Variants in FTCD observed in about 807,000 individuals in gnomAD.
FTCD encodes the protein formimidoyltransferase cyclodeaminase.
Under a neutral mutation model 62.9 loss-of-function variants are expected in FTCD, and 76 were observed. That is an observed-to-expected ratio of 1.21 (90% CI 1.00 to 1.46). FTCD has a LOEUF of 1.46. FTCD is among the 40% of genes most tolerant of loss of function. The pLI is 0.00. For missense variants in FTCD, 845 were observed against 751.3 expected (o/e 1.12, Z -1.46); for synonymous variants, 397 against 336.9 (o/e 1.18, Z -1.95).
In FTCD at chr21:46,150,231, AC is replaced by A; in HGVS notation, c.793del (p.Val265TrpfsTer11). 1 of 1,609,582 alleles carries A rather than the reference AC, an allele frequency of 6.2e-7. No individual in the cohort carries two copies. The highest frequency in any genetic ancestry group is 8.5e-7 in the Non-Finnish European group (1 of 1,178,600). ...CACCAGGCCCACCAGCTGTGAGCCCACCACTGGGAGGCTCAGCTCCTGCCAA... is the reference window on the plus strand; with the variant it reads ...CACCAGGCCCACCAGCTGTGAGCCCACACTGGGAGGCTCAGCTCCTGCCAA... ...REAQELSLPV[V>X]GSQLVGLVPL... On this transcript the variant is annotated frameshift_variant, in exon 7 of 14. Transcript: ENST00000397746. LOFTEE classifies it high-confidence loss of function.
intron 13 of FTCD, 81 bp downstream of exon 13, chr21:46,137,158 A>C: frequency 6.3e-7 from 1 of 1,594,090 alleles, no homozygotes; most frequent in Non-Finnish European, 8.6e-7. Flanking sequence ...CCCACTGCCC[A>C]CAGCCAGTCG....
rs2079152414 is a variant in FTCD at position 46,146,552 on chromosome 21, A to G, written c.907-225T>C. 9 of 591,840 alleles carry G rather than the reference A, an allele frequency of 1.5e-5. No homozygotes were observed. The South Asian group carries it at 1.8e-4, about 12-fold the overall frequency. 36.7% of individuals were successfully genotyped at this position (591,840 alleles called of 1,614,324 possible). ...GCACCCCGTACAGGCTTCTGGAAACAGCCATCACCCTGAGTTGCCCTTGGG... is the reference window on the plus strand; with the variant it reads ...GCACCCCGTACAGGCTTCTGGAAACGGCCATCACCCTGAGTTGCCCTTGGG... On this transcript the variant is annotated intron_variant, in intron 7 of 13. Transcript: ENST00000397746.
chr21:46,137,712 C>A (rs1165665214), intron 12 of FTCD, among the ~76,000 whole-genome samples: 2 of 152,128 alleles, frequency 1.3e-5, no homozygotes, highest in South Asian at 4.1e-4. Context: ...GGGGACACTT[C>A]TCTGGGACCA....
chr21:46,155,207 C>A (rs369317277), intron 1 of FTCD, among the ~76,000 whole-genome samples: 2 of 152,194 alleles, frequency 1.3e-5, no homozygotes, highest in Non-Finnish European at 2.9e-5. Context: ...CCCAACCCCC[C>A]ACCGAAAGCA....
Position 46,152,887 on chromosome 21 carries a change from G to A in FTCD, c.367+20C>T, listed in dbSNP as rs756700757. The A allele has an allele frequency of 9.0e-6, 14 of 1,564,086 alleles. 1 individual carries two copies. The South Asian group carries it at 1.5e-4, about 17-fold the overall frequency. On this transcript the variant is annotated intron_variant, in intron 3 of 13. Coordinates refer to ENST00000397746, the MANE Select transcript of FTCD (RefSeq NM_206965.2). ...CAATGAGACGGGAGCAGAGTGAGGG[G>A]GGCGGGGGGGCACGCTCACCTGGCA...
chr21:46,137,221 C>T lies in FTCD; in HGVS notation c.1539+18G>A. On this transcript the variant is annotated intron_variant, in intron 13 of 13. Coordinates refer to ENST00000397746, the MANE Select transcript of FTCD (RefSeq NM_206965.2). Reference sequence around the variant, plus strand: ...GCCCCCACGTGGGGTCCGGGCACCACACCTGCCTCCTGCTCACCTGGTCCT... The same window carrying T: ...GCCCCCACGTGGGGTCCGGGCACCATACCTGCCTCCTGCTCACCTGGTCCT... 1 of 1,601,398 alleles carries T rather than the reference C, an allele frequency of 6.2e-7. No homozygotes were observed. The highest frequency in any genetic ancestry group is 1.1e-5 in the South Asian group (1 of 90,808).
At chr21:46,136,289 G>T (rs1016753252), downstream of FTCD, 52 of 637,020 alleles carry the variant, frequency 8.2e-5, no homozygotes, top group Middle Eastern at 2.7e-4. Flanking sequence ...TTTTAATGGA[G>T]AACTTCTCTG....
chr21:46,138,600 G>T lies in FTCD; in HGVS notation c.1351C>A (p.Pro451Thr). 6.3e-7 allele frequency: 1 copy of T among 1,591,428 alleles called. No individual in the cohort carries two copies. ...GCCACCGTCTCCGCCAGCGTCAGCG[G>T]CACAGAGACTGCCCGCCTCAGACCC... ...QEGLRRAVSV[P>T]LTLAETVASL... The change falls in exon 12 of 14, where the codon CCG (proline) becomes ACG (threonine). Residue 451 changes from proline (P) to threonine (T), a missense_variant. Physicochemically the swap from Pro to Thr is conservative, Grantham distance 38. Coordinates refer to ENST00000397746, the MANE Select transcript of FTCD (RefSeq NM_206965.2).
At position 46,154,219 on chromosome 21, in the gene FTCD, C is replaced by T. The variant is rs56829757; in HGVS notation, c.168G>A (p.Glu56=). ...RTVYTFVGPP[E]CVVEGALNAA... is the part of the protein sequence containing the mutation. ...CGTTGAGGGCCCCCTCCACCACGCA[C>T]TCCGGCGGCCCCACGAAGGTGTACA... is the stretch of plus-strand genomic sequence containing the variant. Residue 56 remains glutamate, a synonymous_variant, in exon 2 of 14, where the codon GAG becomes GAA. Transcript: ENST00000397746. 1.2e-6 allele frequency: 2 copies of T among 1,612,746 alleles called. No homozygotes were observed. The highest frequency in any genetic ancestry group is 2.7e-5 in the African/African-American group (2 of 74,942).
At chr21:46,138,481 G>A (rs1425325970) in intron 12 of FTCD, 27 bp downstream of exon 12, 7 of 1,568,898 alleles carry the variant, frequency 4.5e-6, no homozygotes, top group Non-Finnish European at 5.2e-6. Context: ...TGCGGCAGGA[G>A]GCCTGGGGTC....
chr21:46,143,062 G>A (rs1161996312), intron 10 of FTCD, among the ~76,000 whole-genome samples: 1 of 152,128 alleles, frequency 6.6e-6, no homozygotes, highest in Non-Finnish European at 1.5e-5. Context: ...ACCAGAACGG[G>A]ACCCTCAGGC....
In FTCD at chr21:46,151,735, G is replaced by C; in HGVS notation, c.459C>G (p.Leu153=). The C allele has an allele frequency of 1.2e-6, 2 of 1,612,764 alleles. No homozygotes were observed. The highest frequency in any genetic ancestry group is 2.2e-5 in the South Asian group (2 of 91,080). Residue 153 remains leucine, a splice_region_variant and synonymous_variant, in exon 5 of 14, where the codon CTC becomes CTG. Transcript: ENST00000397746. ...AGTCGGGCGCCCAGTCGGCCTGCTG[G>C]AGCTGTGAGCAAGTTCGCTCTGGGG... ...AGEYEALPKK[L]QQADWAPDFG...
intron 10 of FTCD, among the ~76,000 whole-genome samples, chr21:46,145,118 C>T (rs978817102): frequency 5.3e-5 from 8 of 152,208 alleles, no homozygotes; most frequent in African/African-American, 1.4e-4. Context: ...TGGGGTCCCC[C>T]AAGCCTGGGC....
At chr21:46,151,776 G>A (rs767380132) in intron 4 of FTCD, 39 bp from the exon 5 acceptor site, 37 of 1,608,494 alleles carry the variant, frequency 2.3e-5, no homozygotes, top group African/African-American at 2.7e-5. Flanking sequence ...CATCCCCCAC[G>A]GGAGGGAACA....
intron 7 of FTCD, chr21:46,146,675 A>C: frequency 5.1e-6 from 2 of 394,470 alleles, no homozygotes; most frequent in Non-Finnish European, 9.3e-6. Flanking sequence ...CCCATCGCTG[A>C]CGGGCGGGAA....
rs772849951 is a variant in FTCD, at chr21:46,138,694, G to A, written c.1305-48C>T. The A allele has an allele frequency of 1.3e-5, 21 of 1,579,066 alleles. No individual in the cohort carries two copies. In the South Asian group the frequency reaches 2.2e-4, roughly 17 times the overall value. On this transcript the variant is annotated intron_variant, in intron 11 of 13. Transcript: ENST00000397746. The stretch of plus-strand genomic sequence containing the variant: ...CTGAGCACAGCGGCACACACAGGCA[G>A]GCAGTGGACACACTGCACCCCAACA...
At chr21:46,150,604 A>G in intron 5 of FTCD, 79 bp from the exon 6 acceptor site, 1 of 1,445,294 alleles carries the variant, frequency 6.9e-7, no homozygotes, top group Non-Finnish European at 9.7e-7. Flanking sequence ...TGGCACTTGC[A>G]TTCCCCAGCT....
chr21:46,141,577 C>T (rs1273786089), intron 10 of FTCD, among the ~76,000 whole-genome samples: 3 of 151,726 alleles, frequency 2.0e-5, no homozygotes, highest in Non-Finnish European at 4.4e-5. Flanking sequence ...TGATACAAGA[C>T]CCAAAAAATA....
chr21:46,136,331 G>C (rs955005533), downstream of FTCD: 3 of 1,022,460 alleles, frequency 2.9e-6, no homozygotes, highest in Admixed American at 6.2e-5. Context: ...AGGGAGCTGA[G>C]GCAGGGAGGA....
Sources: gnomAD v4.1 joint callset for allele counts (sites outside exome capture counted in the v4.1 genomes callset) on GRCh38, gnomAD v4.1.1 for gene constraint, MANE v1.5 for transcripts, NCBI Gene and HGNC (gene_info 2026-07-23, HGNC 2026-07-21) for gene names.